TENM4: variants seen among roughly 807,000 people sequenced by gnomAD.
The protein encoded by TENM4 is teneurin transmembrane protein 4.
TENM4 carries 82 observed loss-of-function variants against 243.3 expected under a neutral mutation model. That is an observed-to-expected ratio of 0.34 (90% confidence interval 0.28 to 0.40). The LOEUF (loss-of-function observed/expected upper bound fraction) is 0.40. Ranked by LOEUF, TENM4 falls within the 10% of genes least tolerant of loss-of-function variation. The pLI is 1.00. For synonymous variants in TENM4, 1,412 were observed against 1,456.3 expected, an observed-to-expected ratio of 0.97 and a Z score of 0.69; for missense variants, 3,138 against 3,673.3, an observed-to-expected ratio of 0.85 and a Z score of 3.77.
intron 7 of TENM4, among the ~76,000 whole-genome samples, chr11:78,894,588 A>G (rs1468362825): frequency 6.6e-6 from 1 of 152,104 alleles, no homozygotes; most frequent in Non-Finnish European, 1.5e-5. Flanking sequence ...AAGGATTTCT[A>G]GAGTAAGAGG....
chr11:78,875,066 C>T lies in TENM4; in HGVS notation c.1085-11934G>A, dbSNP rs142558627. On this transcript the variant is annotated intron_variant, in intron 9 of 33. Transcript: ENST00000278550. Reference sequence around the variant, plus strand: ...AGCAATAGGTTTTGAGGTCTCCTGACATTCATAACCTGGCCTCCTGTTGGC... The same window carrying T: ...AGCAATAGGTTTTGAGGTCTCCTGATATTCATAACCTGGCCTCCTGTTGGC... Among the ~76,000 whole-genome samples, 22 of 152,304 alleles carry T rather than the reference C, an allele frequency of 1.4e-4. No individual in the cohort carries two copies. In the East Asian group the frequency reaches 4.3e-3, roughly 29 times the overall value.
chr11:78,938,461 C>A (rs1856830298), intron 6 of TENM4, among the ~76,000 whole-genome samples: 1 of 152,144 alleles, frequency 6.6e-6, no homozygotes, highest in Non-Finnish European at 1.5e-5. Context: ...CCTCCTAGCA[C>A]CTGGCACTAA....
intron 9 of TENM4, 130 bp downstream of exon 9, chr11:78,889,655 G>C: frequency 9.8e-7 from 1 of 1,023,870 alleles, no homozygotes; most frequent in East Asian, 2.6e-5. Context: ...CAGAACTCCA[G>C]GGCTGCCTGG....
chr11:79,185,357 C>A (rs1461618987), intron 3 of TENM4, among the ~76,000 whole-genome samples: 1 of 152,120 alleles, frequency 6.6e-6, no homozygotes, highest in African/African-American at 2.4e-5. Flanking sequence ...AAAACAGCAA[C>A]AACAAAAACC....
At chr11:78,925,922 T>TA (rs1239919248) in intron 6 of TENM4, among the ~76,000 whole-genome samples, 4 of 150,502 alleles carry the variant, frequency 2.7e-5, no homozygotes, top group Non-Finnish European at 5.9e-5. Context: ...GAGGAATAGT[T>TA]ACAGTGCACT....
intron 14 of TENM4, among the ~76,000 whole-genome samples, chr11:78,811,575 C>CACAT (rs112500098): frequency 0.2 from 18,610 of 91,670 alleles, 1,523 homozygotes; most frequent in East Asian, 0.4. Flanking sequence ...CATGAACACA[C>CACAT]ACACACACAC....
chr11:79,148,018 T>C (rs1460674988), intron 4 of TENM4, among the ~76,000 whole-genome samples: 1 of 152,032 alleles, frequency 6.6e-6, no homozygotes. Flanking sequence ...CTCAGAATGA[T>C]GAAGTGACTT....
intron 30 of TENM4, among the ~76,000 whole-genome samples, chr11:78,675,911 G>C (rs574723060): frequency 3.0e-4 from 46 of 152,218 alleles, no homozygotes; most frequent in African/African-American, 9.9e-4. Flanking sequence ...GCTCACTCAG[G>C]GAATAATATA....
chr11:78,941,591 C>T (rs980846992), intron 6 of TENM4, among the ~76,000 whole-genome samples: 1 of 142,836 alleles, frequency 7.0e-6, no homozygotes, highest in East Asian at 2.4e-4. Flanking sequence ...GGCACGGCGC[C>T]GGGGCGGGGT....
At chr11:79,024,273 T>C (rs1463119581) in intron 6 of TENM4, among the ~76,000 whole-genome samples, 1 of 152,206 alleles carries the variant, frequency 6.6e-6, no homozygotes. Flanking sequence ...TGAAAAGTGA[T>C]TGGCCTGTGG....
chr11:79,404,579 A>G (rs1221851740), intron 1 of TENM4, among the ~76,000 whole-genome samples: 1 of 152,218 alleles, frequency 6.6e-6, no homozygotes, highest in African/African-American at 2.4e-5. Flanking sequence ...TAAATTGTAC[A>G]CTTTAGAATG....
Position 79,028,205 on chromosome 11 carries a change from A to G in TENM4, c.493+36533T>C, listed in dbSNP as rs535433948. Among the ~76,000 whole-genome samples the G allele has an allele frequency of 2.2e-4, 33 of 152,364 alleles. 1 individual carries two copies. The highest frequency in any genetic ancestry group is 7.5e-4 in the African/African-American group (31 of 41,582). On this transcript the variant is annotated intron_variant, in intron 6 of 33. Coordinates refer to ENST00000278550, the MANE Select transcript of TENM4 (RefSeq NM_001098816.3). ...GGGAGAAGATAAATATAAAGCACTGAAAACACTGTAAGAGCCCAATAAATA... is the reference window on the plus strand; with the variant it reads ...GGGAGAAGATAAATATAAAGCACTGGAAACACTGTAAGAGCCCAATAAATA...
At chr11:78,784,775 T>C (rs1406958785) in intron 16 of TENM4, among the ~76,000 whole-genome samples, 1 of 152,206 alleles carries the variant, frequency 6.6e-6, no homozygotes, top group African/African-American at 2.4e-5. Context: ...ATGGTTTGAC[T>C]TCTTGGCATC....
Position 78,787,042 on chromosome 11 carries a change from C to T in TENM4, c.2221G>A (p.Gly741Arg), listed in dbSNP as rs1422966959. ...CCATCCTCGCAGCGGCAGGTGCCCCCTACGCACACGCCATGGCCACCACAG... is the reference window on the plus strand; with the variant it reads ...CCATCCTCGCAGCGGCAGGTGCCCCTTACGCACACGCCATGGCCACCACAG... ...ADCGGHGVCVGGTCRCEDGWM... is the reference protein window; with the variant it reads ...ADCGGHGVCVRGTCRCEDGWM... Residue 741 changes from glycine to arginine, a missense_variant, in exon 16 of 34, where the codon GGG (glycine) becomes AGG (arginine). By Grantham distance (125) the Gly-to-Arg change is moderately radical (BLOSUM62 -2). Around this residue, in one of 2 missense-constraint regions of TENM4, gnomAD observed 2,467 missense variants for 3,059.1 expected, o/e 0.81. Transcript: ENST00000278550. The T allele has an allele frequency of 1.3e-6, 2 of 1,553,052 alleles. No individual in the cohort carries two copies. The highest frequency in any genetic ancestry group is 1.7e-6 in the Non-Finnish European group (2 of 1,148,030).
At position 78,805,398 on chromosome 11, in the gene TENM4, G is replaced by A. The variant is rs1308088735; in HGVS notation, c.2073C>T (p.Thr691=). The change falls in exon 15 of 34, where the codon ACC becomes ACT. Residue 691 remains threonine (T), a synonymous_variant. Transcript: ENST00000278550. The part of the protein sequence containing the change: ...SVGWGGTNCE[T]PRATCLDQCS... ...ACTGGTCTAAGCATGTGGCCCTGGG[G>A]GTCTCGCAGTTGGTGCCTCCCCATC... 6.2e-7 allele frequency: 1 copy of A among 1,603,954 alleles called. No homozygotes were observed. The highest frequency in any genetic ancestry group is 1.4e-5 in the African/African-American group (1 of 73,712).
At chr11:79,296,553 C>T (rs2135390770) in intron 2 of TENM4, among the ~76,000 whole-genome samples, 1 of 152,360 alleles carries the variant, frequency 6.6e-6, no homozygotes, top group Non-Finnish European at 1.5e-5. Context: ...CACCAGAGTG[C>T]TGCTAATCTC....
chr11:79,312,107 G>A (rs965854887), intron 1 of TENM4, among the ~76,000 whole-genome samples: 1 of 152,164 alleles, frequency 6.6e-6, no homozygotes, highest in Admixed American at 6.5e-5. Flanking sequence ...CCTCCAGGAA[G>A]CTTCCCTATT....
chr11:78,718,725 A>T (rs1338578775), intron 25 of TENM4, among the ~76,000 whole-genome samples: 1 of 151,974 alleles, frequency 6.6e-6, no homozygotes. Context: ...TACAAATCTC[A>T]TTGAAAATCT....
chr11:78,791,921 A>T (rs1857064325), intron 15 of TENM4, among the ~76,000 whole-genome samples: 1 of 152,126 alleles, frequency 6.6e-6, no homozygotes. Flanking sequence ...GGGGTCTGGG[A>T]GGAATCTTTT....
Sources: allele counts gnomAD v4.1 joint callset (sites outside exome capture counted in the v4.1 genomes callset), GRCh38; gene constraint gnomAD v4.1.1; regional missense constraint gnomAD v4.1.1; transcripts MANE v1.5; gene names NCBI Gene and HGNC (gene_info 2026-07-23, HGNC 2026-07-21).